The following GALNT17 variants were observed in gnomAD, a reference collection of about 807,000 sequenced individuals.
GALNT17 encodes UDP-GalNAc:polypeptide N-acetylgalactosaminyltransferase-like 3.
GALNT17 carries 29 observed loss-of-function variants against 63.7 expected under a neutral mutation model. That is an observed-to-expected ratio of 0.46 (90% CI 0.34 to 0.62). The LOEUF is 0.62. Among genes scored for constraint, GALNT17 ranks in the 20% least tolerant of loss-of-function variants. GALNT17 has a pLI of 0.01. For missense variants in GALNT17, 603 were observed against 799.6 expected, an observed-to-expected ratio of 0.75 and a Z score of 2.97; for synonymous variants, 305 against 318.3, an observed-to-expected ratio of 0.96 and a Z score of 0.45.
chr7:71,186,776 C>T (rs1373253838), intron 1 of GALNT17, among the ~76,000 whole-genome samples: 2 of 152,194 alleles, frequency 1.3e-5, no homozygotes, highest in African/African-American at 4.8e-5. Flanking sequence ...CCTGTACAAA[C>T]CAACTCAGCT....
chr7:71,261,946 G>A (rs1050318497), intron 1 of GALNT17, among the ~76,000 whole-genome samples: 1 of 152,124 alleles, frequency 6.6e-6, no homozygotes, highest in Non-Finnish European at 1.5e-5. Flanking sequence ...GACGAGCTTG[G>A]GCCCTCTTCC....
chr7:71,495,694 A>G (rs1484806773), intron 5 of GALNT17, among the ~76,000 whole-genome samples: 1 of 152,080 alleles, frequency 6.6e-6, no homozygotes, highest in Admixed American at 6.6e-5. Flanking sequence ...TAACTGGAGG[A>G]TGCTTGATGG....
intron 5 of GALNT17, among the ~76,000 whole-genome samples, chr7:71,469,161 A>T (rs1323037999): frequency 2.6e-5 from 4 of 152,066 alleles, no homozygotes; most frequent in Non-Finnish European, 5.9e-5. Context: ...GGGGTATGTG[A>T]AGGTTCTAAG....
intron 1 of GALNT17, among the ~76,000 whole-genome samples, chr7:71,253,592 C>G (rs538310236): frequency 6.6e-6 from 1 of 150,850 alleles, no homozygotes; most frequent in African/African-American, 2.4e-5. Flanking sequence ...CCCAAACTCT[C>G]TTTGGAAAAA....
At chr7:71,507,977 A>G (rs10279551) in intron 5 of GALNT17, among the ~76,000 whole-genome samples, 29,805 of 152,098 alleles carry the variant, frequency 0.2, 2,999 homozygotes, top group Middle Eastern at 0.33. Context: ...CAAGTCAATG[A>G]AGATAAAACA....
Position 71,132,322 on chromosome 7 carries a change from A to AC in GALNT17, c.-481_-480insC, listed in dbSNP as rs1787694266. 6.6e-6 allele frequency: 1 copy of AC among 151,792 alleles called. No individual in the cohort carries two copies. The highest frequency in any genetic ancestry group is 2.4e-5 in the African/African-American group (1 of 41,374). 9.4% of individuals were successfully genotyped at this position (151,792 alleles called of 1,614,324 possible). A position where few individuals can be genotyped will look rare whatever the true frequency, so the allele number is the denominator to read the frequency against. ...ACGGCCGCCTGCGGGCCAAGGTGGG[A>AC]GGCTGTGCGGCCCCAGGCGCGGCGC... On this transcript the variant is annotated 5_prime_UTR_variant, in exon 1 of 11. Coordinates refer to ENST00000333538, the MANE Select transcript of GALNT17 (RefSeq NM_022479.3).
At chr7:71,295,395 G>C (rs546537847) in intron 1 of GALNT17, among the ~76,000 whole-genome samples, 1 of 152,210 alleles carries the variant, frequency 6.6e-6, no homozygotes, top group South Asian at 2.1e-4. Flanking sequence ...GGCAGAGTTT[G>C]AAGCCTGCCT....
chr7:71,246,597 G>A (rs1270133746), intron 1 of GALNT17, among the ~76,000 whole-genome samples: 10 of 151,742 alleles, frequency 6.6e-5, no homozygotes, highest in Admixed American at 2.0e-4. Flanking sequence ...TTGGGAGGCC[G>A]AGGAGGGCGG....
At chr7:71,640,679 A>G (rs1003192491) in intron 6 of GALNT17, among the ~76,000 whole-genome samples, 2 of 152,142 alleles carry the variant, frequency 1.3e-5, no homozygotes, top group Admixed American at 6.6e-5. Context: ...ACCAATAACT[A>G]TATTTCAACA....
At chr7:71,541,236 C>G (rs1042386226) in intron 5 of GALNT17, among the ~76,000 whole-genome samples, 1 of 70,942 alleles carries the variant, frequency 1.4e-5, no homozygotes, top group African/African-American at 5.7e-5. Flanking sequence ...AAGCGAGACA[C>G]TGTCTCAAAA....
chr7:71,446,775 C>G (rs1175829383), intron 5 of GALNT17, among the ~76,000 whole-genome samples: 1 of 152,226 alleles, frequency 6.6e-6, no homozygotes, highest in Non-Finnish European at 1.5e-5. Flanking sequence ...TCTCGAACTC[C>G]TGACCTCAAG....
At chr7:71,546,572 A>T (rs577543584) in intron 5 of GALNT17, among the ~76,000 whole-genome samples, 214 of 152,346 alleles carry the variant, frequency 1.4e-3, no homozygotes, top group South Asian at 3.1e-3. Context: ...CACCATCTGA[A>T]CGTCAAAGGG....
chr7:71,228,253 ACT>A (rs1316403642), intron 1 of GALNT17, among the ~76,000 whole-genome samples: 1 of 151,972 alleles, frequency 6.6e-6, no homozygotes, highest in Non-Finnish European at 1.5e-5. Context: ...AAAGCTCCTA[ACT>A]CAACCCAGCA....
chr7:71,132,847 G>T lies in GALNT17; in HGVS notation c.45G>T (p.Leu15Phe). Residue 15 changes from leucine to phenylalanine, a missense_variant, in exon 1 of 11, where the codon TTG becomes TTT. Leu to Phe is a conservative substitution (Grantham distance 22). Around this residue, in one of 3 missense-constraint regions of GALNT17, gnomAD observed 195 missense variants for 215.0 expected, o/e 0.91. Coordinates refer to ENST00000333538, the MANE Select transcript of GALNT17 (RefSeq NM_022479.3). ...TCAAAGTGCTGTTGGTGTTGAACTT[G>T]ATCGCGGTAGCCGGCTTCGTGCTCT... ...RRVKVLLVLN[L>F]IAVAGFVLFL... The T allele has an allele frequency of 6.2e-7, 1 of 1,612,610 alleles. No individual in the cohort carries two copies. Among genetic ancestry groups the T allele is most frequent in the Non-Finnish European group, 8.5e-7 (1 of 1,179,242 alleles).
rs561751102 is a variant in GALNT17 at position 71,251,804 on chromosome 7, G to A, written c.239-83746G>A. The stretch of plus-strand genomic sequence containing the variant: ...ACAAGCTCCCAACAGGCAGAAAAGC[G>A]TCAGCTCTGCCCTGTGAGGTTGCAG... On this transcript the variant is annotated intron_variant, in intron 1 of 10. Coordinates refer to ENST00000333538, the MANE Select transcript of GALNT17 (RefSeq NM_022479.3). 3.9e-5 allele frequency among the ~76,000 whole-genome samples: 6 copies of A among 152,304 alleles called. No individual in the cohort carries two copies. The South Asian group carries it at 1.0e-3, about 26-fold the overall frequency.
At chr7:71,667,252 A>C (rs1790998511) in intron 7 of GALNT17, among the ~76,000 whole-genome samples, 1 of 152,256 alleles carries the variant, frequency 6.6e-6, no homozygotes, top group Non-Finnish European at 1.5e-5. Context: ...AGAAGATAAA[A>C]GTGAATTTAT....
At chr7:71,218,196 C>G (rs944220576) in intron 1 of GALNT17, among the ~76,000 whole-genome samples, 19 of 152,236 alleles carry the variant, frequency 1.2e-4, no homozygotes, top group Admixed American at 5.9e-4. Flanking sequence ...GAGTTGGAGG[C>G]CAGCCTGGCC....
intron 5 of GALNT17, among the ~76,000 whole-genome samples, chr7:71,467,164 C>T (rs1787549673): frequency 6.6e-6 from 1 of 152,174 alleles, no homozygotes; most frequent in Non-Finnish European, 1.5e-5. Flanking sequence ...TGTCTTTTCC[C>T]TAAGTCTAGT....
intron 1 of GALNT17, among the ~76,000 whole-genome samples, chr7:71,170,526 G>T: frequency 6.6e-6 from 1 of 152,016 alleles, no homozygotes; most frequent in Non-Finnish European, 1.5e-5. Context: ...AGTAGAGACG[G>T]GGTTTCACTA....
Sources: gnomAD v4.1 joint callset for allele counts (sites outside exome capture counted in the v4.1 genomes callset) on GRCh38, gnomAD v4.1.1 for gene constraint, gnomAD v4.1.1 regional missense constraint, MANE v1.5 for transcripts, NCBI Gene and HGNC (gene_info 2026-07-23, HGNC 2026-07-21) for gene names.